The following AGPAT4 variants were observed in gnomAD, a reference collection of about 807,000 sequenced individuals.
AGPAT4 encodes the protein 1-acyl-sn-glycerol-3-phosphate acyltransferase delta.
Under a neutral mutation model 48.0 loss-of-function variants are expected in AGPAT4, and 15 were observed. That is an observed-to-expected ratio of 0.31 (90% CI 0.21 to 0.48). The LOEUF (loss-of-function observed/expected upper bound fraction) is 0.48. Ranked by LOEUF, AGPAT4 falls within the 20% of genes least tolerant of loss-of-function variation. The probability of loss-of-function intolerance (pLI) is 0.99; values close to 1 mark genes in which losing one functional copy is unlikely to be tolerated. For synonymous variants in AGPAT4, 178 were observed against 198.7 expected (o/e 0.90, Z 0.88); for missense variants, 314 against 482.5 (o/e 0.65, Z 3.27).
At chr6:161,250,129 G>A (rs1782767181) in intron 1 of AGPAT4, among the ~76,000 whole-genome samples, 1 of 152,184 alleles carries the variant, frequency 6.6e-6, no homozygotes, top group African/African-American at 2.4e-5. Flanking sequence ...CTTACAAGTG[G>A]GAACTAAATG....
In AGPAT4 at chr6:161,253,415, C is replaced by T. The variant is rs1412504639; in HGVS notation, c.-90+20523G>A. Among the ~76,000 whole-genome samples, 3 of 150,782 alleles carry T rather than the reference C, an allele frequency of 2.0e-5. No homozygotes were observed. The East Asian group carries it at 6.1e-4, about 30-fold the overall frequency. ...GACTACAGGCACCCGCCACCATGCC[C>T]AGCTAATTTTTTGTATTTTTAGTAG... is the stretch of plus-strand genomic sequence containing the variant. On this transcript the variant is annotated intron_variant, in intron 1 of 8. Coordinates refer to ENST00000320285, the MANE Select transcript of AGPAT4 (RefSeq NM_020133.3).
At chr6:161,181,715 C>T (rs576255643) in intron 2 of AGPAT4, among the ~76,000 whole-genome samples, 2 of 152,282 alleles carry the variant, frequency 1.3e-5, no homozygotes, top group African/African-American at 4.8e-5. Context: ...CCCAGCTGTG[C>T]CTGCCCCATC....
At position 161,261,499 on chromosome 6, in the gene AGPAT4, C is replaced by T. The variant is rs2114751211; in HGVS notation, c.-90+12439G>A. On this transcript the variant is annotated intron_variant, in intron 1 of 8. Coordinates refer to ENST00000320285, the MANE Select transcript of AGPAT4 (RefSeq NM_020133.3). The surrounding 1 kb of genome is among the most constrained non-coding windows in gnomAD (Gnocchi z 5.3). ...ACTGAATGGTCAGTCACATTCACCA[C>T]ACTGCTCCAGGGAAACGCCCGGCTC... Among the ~76,000 whole-genome samples the T allele has an allele frequency of 6.6e-6, 1 of 152,320 alleles. No individual in the cohort carries two copies. Among genetic ancestry groups the T allele is most frequent in the Non-Finnish European group, 1.5e-5 (1 of 68,030 alleles).
rs1191527979 is a variant in AGPAT4 at position 161,135,799 on chromosome 6, G to A, written c.*741C>T. 1 of 152,340 alleles carries A rather than the reference G, an allele frequency of 6.6e-6. No homozygotes were observed. The highest frequency in any genetic ancestry group is 1.9e-4 in the East Asian group (1 of 5,200). The allele number at this position is 152,340 out of a possible 1,614,324, so 9.4% of individuals were successfully genotyped here. A position where few individuals can be genotyped will look rare whatever the true frequency, so the allele number is the denominator to read the frequency against. On this transcript the variant is annotated 3_prime_UTR_variant, in exon 9 of 9. Coordinates refer to ENST00000320285, the MANE Select transcript of AGPAT4 (RefSeq NM_020133.3). ...TCCATCTTCAAGACTTACGCCAGGA[G>A]ACTGCACTGCAGAGACCGAGCGAAA...
intron 2 of AGPAT4, among the ~76,000 whole-genome samples, chr6:161,182,902 T>C (rs557808901): frequency 1.3e-5 from 2 of 152,130 alleles, no homozygotes; most frequent in East Asian, 3.9e-4. Context: ...TCCCACCCCA[T>C]GGTGGAAAAA....
intron 2 of AGPAT4, among the ~76,000 whole-genome samples, chr6:161,203,809 A>G (rs779060413): frequency 4.6e-5 from 7 of 151,946 alleles, no homozygotes; most frequent in Admixed American, 1.3e-4. Flanking sequence ...ATCACCATCT[A>G]CCTGTCCAGG....
In AGPAT4 at chr6:161,225,980, A is replaced by G. The variant is rs1426658550; in HGVS notation, c.178+6056T>C. The stretch of plus-strand genomic sequence containing the variant: ...TCGCCAAAGCCACTGTTGTTCAGCT[A>G]CTCTGAAGGGAGAGATGATCAGTTT... On this transcript the variant is annotated intron_variant, in intron 2 of 8. Coordinates refer to ENST00000320285, the MANE Select transcript of AGPAT4 (RefSeq NM_020133.3). This position sits in a 1 kb window ranked among gnomAD's most constrained non-coding sequence, Gnocchi z 5.0. Among the ~76,000 whole-genome samples, 1 of 152,048 alleles carries G rather than the reference A, an allele frequency of 6.6e-6. No individual in the cohort carries two copies. The highest frequency in any genetic ancestry group is 1.5e-5 in the Non-Finnish European group (1 of 68,010).
rs1427514053 is a variant in AGPAT4, at chr6:161,233,648, TA to T, written c.-89-1347del. 1.3e-5 allele frequency among the ~76,000 whole-genome samples: 2 copies of T among 152,240 alleles called. No individual in the cohort carries two copies. Among genetic ancestry groups the T allele is most frequent in the Non-Finnish European group, 1.5e-5 (1 of 68,040 alleles). On this transcript the variant is annotated intron_variant, in intron 1 of 8. Transcript: ENST00000320285. This position sits in a 1 kb window ranked among gnomAD's most constrained non-coding sequence, Gnocchi z 5.4. ...ACAAGGCCTATTCAGCACTTTGTTA[TA>T]AAATAGGCCTTGTGTAAGATGATTT...
In AGPAT4 at chr6:161,202,353, A is replaced by C. The variant is rs190856281; in HGVS notation, c.178+29683T>G. On this transcript the variant is annotated intron_variant, in intron 2 of 8. Coordinates refer to ENST00000320285, the MANE Select transcript of AGPAT4 (RefSeq NM_020133.3). This position sits in a 1 kb window ranked among gnomAD's most constrained non-coding sequence, Gnocchi z 5.4. Reference sequence around the variant, plus strand: ...CATGGGCCCGTCTGAGTGATGCCTGAATGTCTTCATGCTTGAATGTCATGG... The same window carrying C: ...CATGGGCCCGTCTGAGTGATGCCTGCATGTCTTCATGCTTGAATGTCATGG... Among the ~76,000 whole-genome samples the C allele has an allele frequency of 1.7e-3, 259 of 151,944 alleles. No individual in the cohort carries two copies. Among genetic ancestry groups the C allele is most frequent in the African/African-American group, 5.9e-3 (243 of 41,448 alleles).
chr6:161,181,655 G>A (rs774560876), intron 2 of AGPAT4, among the ~76,000 whole-genome samples: 21 of 152,178 alleles, frequency 1.4e-4, no homozygotes, highest in Non-Finnish European at 2.4e-4. Context: ...ATGGCTCACT[G>A]CAATCTCTGC....
chr6:161,242,520 G>A lies in AGPAT4; in HGVS notation c.-89-10218C>T, dbSNP rs1166229469. On this transcript the variant is annotated intron_variant, in intron 1 of 8. Transcript: ENST00000320285. The surrounding 1 kb of genome is among the most constrained non-coding windows in gnomAD (Gnocchi z 5.0). ...AGCTCGCCCGCAGCCTCATGGGGCT[G>A]GAGGGTGCAGACCTCAGAGTAGGTA... Among the ~76,000 whole-genome samples the A allele has an allele frequency of 6.6e-6, 1 of 152,150 alleles. No homozygotes were observed. Among genetic ancestry groups the A allele is most frequent in the Admixed American group, 6.5e-5 (1 of 15,278 alleles).
In AGPAT4 at chr6:161,244,528, C is replaced by CT. The variant is rs1782597290; in HGVS notation, c.-89-12227dup. On this transcript the variant is annotated intron_variant, in intron 1 of 8. Transcript: ENST00000320285. This position sits in a 1 kb window ranked among gnomAD's most constrained non-coding sequence, Gnocchi z 4.7. ...TTGGGGAAAGGGTTACAAGCGTAAT[C>CT]TTTTCAGTATTTCAGCACTCTACAA... Among the ~76,000 whole-genome samples, 1 of 152,164 alleles carries CT rather than the reference C, an allele frequency of 6.6e-6. No individual in the cohort carries two copies. The highest frequency in any genetic ancestry group is 6.5e-5 in the Admixed American group (1 of 15,282).
intron 2 of AGPAT4, among the ~76,000 whole-genome samples, chr6:161,176,439 T>C (rs59340815): frequency 0.01 from 1,527 of 152,340 alleles, 15 homozygotes; most frequent in African/African-American, 0.035. Context: ...GTCTGTTTTA[T>C]CAGAGACTAG....
intron 2 of AGPAT4, among the ~76,000 whole-genome samples, chr6:161,170,471 G>GCA (rs1216836382): frequency 1.6e-3 from 186 of 113,796 alleles, no homozygotes; most frequent in South Asian, 7.6e-3. Context: ...ACGTGCGCGC[G>GCA]CGCACACACA....
Position 161,231,531 on chromosome 6 carries a change from T to C in AGPAT4, c.178+505A>G, listed in dbSNP as rs756799558. On this transcript the variant is annotated intron_variant, in intron 2 of 8. Transcript: ENST00000320285. This position sits in a 1 kb window ranked among gnomAD's most constrained non-coding sequence, Gnocchi z 5.3. ...AAGGAGTGTACAGAATTTCTCAGTA[T>C]TATTTGTTACAGCTTCATGTGAATC... Among the ~76,000 whole-genome samples the C allele has an allele frequency of 4.6e-5, 7 of 152,176 alleles. No homozygotes were observed. Among genetic ancestry groups the C allele is most frequent in the Non-Finnish European group, 8.8e-5 (6 of 68,034 alleles).
rs1782132240 is a variant in AGPAT4, at chr6:161,231,861, C to T, written c.178+175G>A. ...TTTTGAGCTACTGGCATTATTCATT[C>T]AAAAAATAATTTTGGGGGATTGAGA... On this transcript the variant is annotated intron_variant, in intron 2 of 8. Coordinates refer to ENST00000320285, the MANE Select transcript of AGPAT4 (RefSeq NM_020133.3). The surrounding 1 kb of genome is among the most constrained non-coding windows in gnomAD (Gnocchi z 5.3). Among the ~76,000 whole-genome samples the T allele has an allele frequency of 6.6e-6, 1 of 151,852 alleles. No homozygotes were observed.
chr6:161,210,479 G>C (rs1451788378), intron 2 of AGPAT4, among the ~76,000 whole-genome samples: 3 of 152,130 alleles, frequency 2.0e-5, no homozygotes, highest in Non-Finnish European at 2.9e-5. Context: ...ATGTATTTAT[G>C]TGTTGTGTAC....
At chr6:161,173,329 C>G (rs574884855) in intron 2 of AGPAT4, among the ~76,000 whole-genome samples, 2 of 152,260 alleles carry the variant, frequency 1.3e-5, no homozygotes, top group South Asian at 4.1e-4. Flanking sequence ...TTTTAATGAT[C>G]GCCATTCTAA....
chr6:161,155,011 G>A lies in AGPAT4; in HGVS notation c.349-701C>T, dbSNP rs1779727754. ...AAAACCCAGACCAGGAGATGTGCTCGGTGCCCTCCACACCCGCTGCCAGCA... is the reference window on the plus strand; with the variant it reads ...AAAACCCAGACCAGGAGATGTGCTCAGTGCCCTCCACACCCGCTGCCAGCA... On this transcript the variant is annotated intron_variant, in intron 3 of 8. Coordinates refer to ENST00000320285, the MANE Select transcript of AGPAT4 (RefSeq NM_020133.3). The surrounding 1 kb of genome is among the most constrained non-coding windows in gnomAD (Gnocchi z 5.8). Among the ~76,000 whole-genome samples the A allele has an allele frequency of 6.6e-6, 1 of 152,180 alleles. No individual in the cohort carries two copies.
Sources: gnomAD v4.1 joint callset for allele counts (sites outside exome capture counted in the v4.1 genomes callset) on GRCh38, gnomAD v4.1.1 for gene constraint, Gnocchi (gnomAD v3.1) non-coding constraint, MANE v1.5 for transcripts, NCBI Gene and HGNC (gene_info 2026-07-23, HGNC 2026-07-21) for gene names.